CHIC1: variants seen among roughly 807,000 people sequenced by gnomAD.
CHIC1 encodes cysteine rich hydrophobic domain 1.
Under a neutral mutation model 18.5 loss-of-function variants are expected in CHIC1, and 7 were observed. The ratio of observed to expected loss-of-function variants is 0.38; its 90% confidence interval spans 0.22 to 0.71. The LOEUF (loss-of-function observed/expected upper bound fraction) is 0.71. Ranked by LOEUF, CHIC1 falls within the 30% of genes least tolerant of loss-of-function variation. The pLI is 0.49. For missense variants in CHIC1, 159 were observed against 176.9 expected (o/e 0.90, Z 0.57); for synonymous variants, 77 against 73.5 (o/e 1.05, Z -0.25).
chrX:73,618,522 T>C (rs1431606829), intron 3 of CHIC1, among the ~76,000 whole-genome samples: 1 of 111,310 alleles, frequency 9.0e-6, no homozygotes, highest in Admixed American at 9.5e-5. Context: ...TGGTTGCCTC[T>C]GCTGTGTCAT....
intron 3 of CHIC1, among the ~76,000 whole-genome samples, chrX:73,629,839 T>C (rs1190800044): frequency 1.8e-5 from 2 of 112,168 alleles, no homozygotes; most frequent in African/African-American, 3.2e-5. Flanking sequence ...GAAAATGCCA[T>C]TGGAATTTTC....
At chrX:73,589,989 T>G (rs1272562824) in intron 3 of CHIC1, among the ~76,000 whole-genome samples, 1 of 111,461 alleles carries the variant, frequency 9.0e-6, no homozygotes, top group Non-Finnish European at 1.9e-5. Flanking sequence ...TTATGGAGAG[T>G]CTCTTGTACT....
intron 3 of CHIC1, among the ~76,000 whole-genome samples, chrX:73,651,972 T>C (rs1234777826): frequency 8.9e-6 from 1 of 111,945 alleles, no homozygotes; most frequent in African/African-American, 3.3e-5. Context: ...GGCATCACAC[T>C]ACCTGACTTT....
intron 3 of CHIC1, among the ~76,000 whole-genome samples, chrX:73,634,387 G>A (rs2057821971): frequency 8.9e-6 from 1 of 112,882 alleles, no homozygotes; most frequent in East Asian, 2.8e-4. Flanking sequence ...CATGAACAAG[G>A]TTGCATGCCT....
At chrX:73,675,932 G>A (rs538932860) in intron 3 of CHIC1, among the ~76,000 whole-genome samples, 3 of 110,367 alleles carry the variant, frequency 2.7e-5, no homozygotes, top group South Asian at 7.9e-4. Context: ...GCCTGGTGGT[G>A]ACAAAATCTC....
intron 3 of CHIC1, among the ~76,000 whole-genome samples, chrX:73,639,595 T>C (rs922166288): frequency 3.6e-5 from 4 of 111,864 alleles, no homozygotes; most frequent in Non-Finnish European, 7.5e-5. Context: ...TTCCAGTTCC[T>C]ACGTCCAGAA....
chrX:73,564,052 C>G (rs2057432705), intron 1 of CHIC1, among the ~76,000 whole-genome samples: 1 of 112,086 alleles, frequency 8.9e-6, no homozygotes, highest in Non-Finnish European at 1.9e-5. Context: ...CATTCACCCA[C>G]GTATTCATCC....
intron 3 of CHIC1, among the ~76,000 whole-genome samples, chrX:73,671,199 GC>G: frequency 8.9e-6 from 1 of 111,765 alleles, no homozygotes; most frequent in Non-Finnish European, 1.9e-5. Flanking sequence ...TATGTGACTT[GC>G]TGCATTTCTC....
intron 3 of CHIC1, among the ~76,000 whole-genome samples, chrX:73,638,025 C>T (rs2057838824): frequency 9.0e-6 from 1 of 111,386 alleles, no homozygotes; most frequent in Admixed American, 9.6e-5. Flanking sequence ...AACAGATTAC[C>T]AGAGCTTGAT....
intron 3 of CHIC1, among the ~76,000 whole-genome samples, chrX:73,603,835 A>G (rs1452352091): frequency 9.2e-6 from 1 of 109,018 alleles, no homozygotes. Flanking sequence ...CTAGCTTTGC[A>G]TCTCAGGGAT....
intron 1 of CHIC1, among the ~76,000 whole-genome samples, chrX:73,573,004 A>G (rs952900604): frequency 1.8e-5 from 2 of 111,546 alleles, no homozygotes; most frequent in Non-Finnish European, 3.8e-5. Flanking sequence ...GGACTTAGTC[A>G]TGAATCCTTT....
At chrX:73,615,835 T>C (rs1450234654) in intron 3 of CHIC1, among the ~76,000 whole-genome samples, 1 of 110,562 alleles carries the variant, frequency 9.0e-6, no homozygotes, top group Non-Finnish European at 1.9e-5. Flanking sequence ...TCAGGTGGGG[T>C]TGCTTTTAGT....
intron 3 of CHIC1, among the ~76,000 whole-genome samples, chrX:73,587,092 G>C (rs191924197): frequency 9.0e-6 from 1 of 111,453 alleles, no homozygotes. Flanking sequence ...TCTCTAATTG[G>C]GTATCTAGCT....
intron 2 of CHIC1, among the ~76,000 whole-genome samples, chrX:73,583,640 A>C (rs935206560): frequency 1.2e-4 from 13 of 111,525 alleles, no homozygotes; most frequent in Non-Finnish European, 2.3e-4. Flanking sequence ...ATTGTATAAC[A>C]TTCAAGCAGA....
intron 3 of CHIC1, among the ~76,000 whole-genome samples, chrX:73,625,924 G>C (rs2057781440): frequency 9.1e-6 from 1 of 110,130 alleles, no homozygotes; most frequent in Non-Finnish European, 1.9e-5. Context: ...TCCTTTACTG[G>C]ATACCCCACC....
chrX:73,651,514 A>C (rs560766517), intron 3 of CHIC1, among the ~76,000 whole-genome samples: 1 of 111,476 alleles, frequency 9.0e-6, no homozygotes, highest in Middle Eastern at 4.6e-3. Flanking sequence ...TTAAGCTGAT[A>C]AGTAACTTCA....
At chrX:73,655,502 ATATACATATATACACAATATT>A (rs1569504751) in intron 3 of CHIC1, among the ~76,000 whole-genome samples, 70 of 84,031 alleles carry the variant, frequency 8.3e-4, no homozygotes, top group African/African-American at 3.0e-3. Context: ...GTGTATATAT[ATATACATATATACACAATATT>A]GTGTATATAT....
intron 3 of CHIC1, among the ~76,000 whole-genome samples, chrX:73,648,924 G>T (rs770325640): frequency 9.0e-6 from 1 of 111,482 alleles, no homozygotes; most frequent in South Asian, 3.8e-4. Flanking sequence ...CAAAATGAAG[G>T]AAAAAGTGTT....
chrX:73,677,225 T>A (rs1456799786), intron 3 of CHIC1, among the ~76,000 whole-genome samples: 1 of 111,970 alleles, frequency 8.9e-6, no homozygotes, highest in Non-Finnish European at 1.9e-5. Context: ...GATCTTAAGC[T>A]GCGTGCTGGG....
Sources: gnomAD v4.1 joint callset for allele counts (sites outside exome capture counted in the v4.1 genomes callset) on GRCh38, gnomAD v4.1.1 for gene constraint, MANE v1.5 for transcripts, NCBI Gene and HGNC (gene_info 2026-07-23, HGNC 2026-07-21) for gene names.